Variants in BRAF observed in about 807,000 individuals in gnomAD.
BRAF encodes the protein B-Raf proto-oncogene, serine/threonine kinase, also known as serine/threonine-protein kinase B-raf.
BRAF carries 16 observed loss-of-function variants against 104.6 expected under a neutral mutation model. The observed-to-expected ratio is 0.15, with a 90% CI of 0.10 to 0.23. The LOEUF is 0.23. BRAF is among the 10% of genes least tolerant of loss of function. BRAF has a pLI of 1.00. For missense variants in BRAF, 541 were observed against 937.3 expected (o/e 0.58, Z 5.52); for synonymous variants, 310 against 341.6 (o/e 0.91, Z 1.02).
chr7:140,742,988 GC>G (rs1267186197), intron 17 of BRAF, among the ~76,000 whole-genome samples: 1 of 152,082 alleles, frequency 6.6e-6, no homozygotes, highest in African/African-American at 2.4e-5. Context: ...ACCATCACTG[GC>G]CATCAGAGAA....
At chr7:140,756,983 G>A (rs1416757665) in intron 14 of BRAF, among the ~76,000 whole-genome samples, 1 of 152,050 alleles carries the variant, frequency 6.6e-6, no homozygotes, top group Non-Finnish European at 1.5e-5. Context: ...ACTTCAGATC[G>A]GATCTAACCA....
chr7:140,854,295 T>C (rs1055078058), intron 1 of BRAF, among the ~76,000 whole-genome samples: 1 of 152,222 alleles, frequency 6.6e-6, no homozygotes, highest in Non-Finnish European at 1.5e-5. Flanking sequence ...CCATGTCTAT[T>C]AGCTACTTTA....
chr7:140,918,821 T>C (rs1372309729), intron 1 of BRAF, among the ~76,000 whole-genome samples: 1 of 152,186 alleles, frequency 6.6e-6, no homozygotes, highest in Admixed American at 6.5e-5. Flanking sequence ...AAAAACAGTT[T>C]CACATATGCA....
intron 3 of BRAF, among the ~76,000 whole-genome samples, chr7:140,827,880 T>C (rs1189219635): frequency 6.6e-6 from 1 of 152,190 alleles, no homozygotes; most frequent in Non-Finnish European, 1.5e-5. Flanking sequence ...ATTTTACTGA[T>C]GGACACTGAA....
Position 140,723,448 on chromosome 7 carries a change from CA to C in BRAF, c.*3045del, listed in dbSNP as rs1239934803. 8 of 1,054,508 alleles carry C rather than the reference CA, an allele frequency of 7.6e-6. No homozygotes were observed. Among genetic ancestry groups the C allele is most frequent in the African/African-American group, 3.3e-5 (2 of 60,364 alleles). The allele number at this position is 1,054,508 out of a possible 1,614,324, so 65.3% of individuals were successfully genotyped here. On this transcript the variant is annotated 3_prime_UTR_variant, in exon 20 of 20. Transcript: ENST00000644969. ...TGCCCTACTAGATCTCAAATACAAT[CA>C]GGGGTGAGATATTCGGGAACCAGAA...
At chr7:140,719,288 T>C, downstream of BRAF, 1 of 848,214 alleles carries the variant, frequency 1.2e-6, no homozygotes, top group Non-Finnish European at 1.4e-6. Flanking sequence ...CTGACTACTT[T>C]TGTTACTGAA....
At chr7:140,878,691 G>C (rs1812533309) in intron 1 of BRAF, among the ~76,000 whole-genome samples, 1 of 152,140 alleles carries the variant, frequency 6.6e-6, no homozygotes, top group Non-Finnish European at 1.5e-5. Flanking sequence ...GTATAGTAGG[G>C]AAATTACAGT....
intron 3 of BRAF, among the ~76,000 whole-genome samples, chr7:140,831,773 A>G (rs1228909050): frequency 6.6e-6 from 1 of 152,204 alleles, no homozygotes; most frequent in Non-Finnish European, 1.5e-5. Flanking sequence ...CAGGACTCAC[A>G]ACTAACACAC....
At chr7:140,747,455 G>A in intron 17 of BRAF, 2 of 1,279,720 alleles carry the variant, frequency 1.6e-6, no homozygotes, top group Admixed American at 2.3e-5. Context: ...CACCTAAAAT[G>A]CCAAGAAGTG....
chr7:140,847,352 G>C (rs1461024863), intron 2 of BRAF, among the ~76,000 whole-genome samples: 1 of 152,218 alleles, frequency 6.6e-6, no homozygotes, highest in East Asian at 1.9e-4. Flanking sequence ...AGAGGCCAAG[G>C]GGGGCAGATC....
downstream of BRAF, among the ~76,000 whole-genome samples, chr7:140,715,645 A>G (rs1216013384): frequency 6.6e-6 from 1 of 152,176 alleles, no homozygotes; most frequent in East Asian, 1.9e-4. Flanking sequence ...CATGTGGGCC[A>G]TGGAGGGAAT....
chr7:140,857,515 A>C (rs1809932047), intron 1 of BRAF, among the ~76,000 whole-genome samples: 1 of 152,168 alleles, frequency 6.6e-6, no homozygotes, highest in African/African-American at 2.4e-5. Context: ...ACAGATGGAG[A>C]ATCTAGAGAC....
At chr7:140,774,726 T>G (rs775950420) in intron 14 of BRAF, among the ~76,000 whole-genome samples, 5 of 152,172 alleles carry the variant, frequency 3.3e-5, no homozygotes, top group Admixed American at 6.5e-5. Flanking sequence ...CTATGTTTCC[T>G]GGCTGGTCTT....
Position 140,720,803 on chromosome 7 carries a change from C to G in BRAF, c.*5691G>C. 3.8e-6 allele frequency: 4 copies of G among 1,066,066 alleles called. No homozygotes were observed. The highest frequency in any genetic ancestry group is 4.5e-6 in the Non-Finnish European group (4 of 879,782). The allele number at this position is 1,066,066 out of a possible 1,614,324, so 66.0% of individuals were successfully genotyped here. On this transcript the variant is annotated 3_prime_UTR_variant, in exon 20 of 20. Transcript: ENST00000644969. ...TCAAAAACTTAACACAAAAATGCAA[C>G]GCAGTAATTTTCAAAACAAAACCAG... is the stretch of plus-strand genomic sequence containing the variant.
chr7:140,735,212 G>A (rs1585934818), intron 18 of BRAF, among the ~76,000 whole-genome samples: 1 of 152,280 alleles, frequency 6.6e-6, no homozygotes, highest in South Asian at 2.1e-4. Flanking sequence ...ACAGCTACTT[G>A]CCCTTTAAAG....
intron 14 of BRAF, among the ~76,000 whole-genome samples, chr7:140,755,863 G>A (rs149599272): frequency 3.6e-4 from 55 of 151,922 alleles, no homozygotes; most frequent in Non-Finnish European, 7.2e-4. Flanking sequence ...AGAGACCTGG[G>A]ATCTAGTATA....
chr7:140,731,611 A>G (rs996842111), intron 19 of BRAF: 7 of 152,226 alleles, frequency 4.6e-5, no homozygotes, highest in African/African-American at 9.6e-5. Context: ...AGAGAGGACA[A>G]TTTTAACTAT....
chr7:140,876,309 T>C (rs1812262184), intron 1 of BRAF, among the ~76,000 whole-genome samples: 1 of 152,150 alleles, frequency 6.6e-6, no homozygotes, highest in Non-Finnish European at 1.5e-5. Context: ...ACTAAAACTA[T>C]ATGGAGAGTT....
chr7:140,853,645 A>C (rs1039850034), intron 1 of BRAF, among the ~76,000 whole-genome samples: 1 of 152,122 alleles, frequency 6.6e-6, no homozygotes, highest in Non-Finnish European at 1.5e-5. Context: ...TGTCTTACCA[A>C]GTTCATTCAT....
Sources: gnomAD v4.1 joint callset for allele counts (sites outside exome capture counted in the v4.1 genomes callset) on GRCh38, gnomAD v4.1.1 for gene constraint, MANE v1.5 for transcripts, NCBI Gene and HGNC (gene_info 2026-07-23, HGNC 2026-07-21) for gene names.